Variants in FOXP1 observed in about 807,000 individuals in gnomAD.
FOXP1 encodes forkhead box P1.
Under a neutral mutation model 98.2 loss-of-function variants are expected in FOXP1, and 15 were observed. That is an observed-to-expected ratio of 0.15 (90% CI 0.10 to 0.24). FOXP1 has a LOEUF of 0.24. FOXP1 is among the 10% of genes least tolerant of loss of function. The pLI, the probability that FOXP1 is intolerant of heterozygous loss-of-function variation, is 1.00. For missense variants in FOXP1, 633 were observed against 848.5 expected (o/e 0.75, Z 3.15); for synonymous variants, 371 against 314.5 (o/e 1.18, Z -1.90).
chr3:71,342,844 G>T (rs1016736229), intron 4 of FOXP1, among the ~76,000 whole-genome samples: 1 of 152,160 alleles, frequency 6.6e-6, no homozygotes, highest in Non-Finnish European at 1.5e-5. Flanking sequence ...ATCTTGTACA[G>T]CTGTATACAG....
intron 2 of FOXP1, among the ~76,000 whole-genome samples, chr3:71,524,700 T>C (rs2043238989): frequency 6.6e-6 from 1 of 152,210 alleles, no homozygotes; most frequent in Non-Finnish European, 1.5e-5. Context: ...TTCAAATTGT[T>C]CATGTTCCGC....
At chr3:71,460,571 G>A (rs1346178753) in intron 3 of FOXP1, among the ~76,000 whole-genome samples, 1 of 151,988 alleles carries the variant, frequency 6.6e-6, no homozygotes, top group African/African-American at 2.4e-5. Flanking sequence ...CAAGTAGCTG[G>A]GACTACAGGT....
intron 7 of FOXP1, among the ~76,000 whole-genome samples, chr3:71,101,719 A>T (rs1027931568): frequency 7.2e-5 from 11 of 151,812 alleles, no homozygotes; most frequent in Non-Finnish European, 8.8e-5. Context: ...CAGCAGGCAC[A>T]ATATTCTGAG....
chr3:71,534,036 G>A (rs1560618673), intron 2 of FOXP1, among the ~76,000 whole-genome samples: 2 of 152,150 alleles, frequency 1.3e-5, no homozygotes, highest in East Asian at 1.9e-4. Flanking sequence ...ACCAAAATCC[G>A]TGCATACTCA....
intron 4 of FOXP1, among the ~76,000 whole-genome samples, chr3:71,323,245 A>C (rs2075499663): frequency 6.6e-6 from 1 of 152,248 alleles, no homozygotes; most frequent in Admixed American, 6.5e-5. Flanking sequence ...TTAAACTCCC[A>C]AAATGACCAA....
At chr3:71,525,071 A>T (rs1438818121) in intron 2 of FOXP1, among the ~76,000 whole-genome samples, 2 of 151,934 alleles carry the variant, frequency 1.3e-5, no homozygotes, top group Non-Finnish European at 2.9e-5. Context: ...TCCATAAAAA[A>T]CTCTTGGTAT....
intron 4 of FOXP1, among the ~76,000 whole-genome samples, chr3:71,355,575 T>C (rs1417026641): frequency 6.6e-6 from 1 of 151,992 alleles, no homozygotes; most frequent in Non-Finnish European, 1.5e-5. Flanking sequence ...AGAAGAGTAA[T>C]GGGGTTTAAA....
At position 71,011,208 on chromosome 3, in the gene FOXP1, T is replaced by C. The variant is rs756813477; in HGVS notation, c.974+4341A>G. 3.3e-4 allele frequency among the ~76,000 whole-genome samples: 50 copies of C among 152,140 alleles called. 1 individual carries two copies. Among genetic ancestry groups the C allele is most frequent in the Non-Finnish European group, 1.3e-4 (9 of 68,014 alleles). ...TGCTCTCCTTTGCTACTTTACAATA[T>C]TCATTTTTACATTCTTGAAGCAACT... On this transcript the variant is annotated intron_variant, in intron 12 of 20. Transcript: ENST00000649528.
intron 4 of FOXP1, among the ~76,000 whole-genome samples, chr3:71,341,846 G>C (rs2077028477): frequency 6.6e-6 from 1 of 152,216 alleles, no homozygotes; most frequent in African/African-American, 2.4e-5. Flanking sequence ...TTTTCACTCA[G>C]TAAAGACAAA....
At chr3:71,164,025 G>A (rs1282762311) in intron 6 of FOXP1, among the ~76,000 whole-genome samples, 1 of 152,080 alleles carries the variant, frequency 6.6e-6, no homozygotes, top group Admixed American at 6.6e-5. Flanking sequence ...GTAAAATTCT[G>A]CACAGACGAA....
intron 12 of FOXP1, among the ~76,000 whole-genome samples, chr3:71,007,897 T>C (rs181420505): frequency 9.3e-4 from 141 of 152,318 alleles, no homozygotes; most frequent in African/African-American, 3.3e-3. Flanking sequence ...TTCTTCAACA[T>C]TTCTCTGTCT....
chr3:71,411,720 T>C (rs2082764614), intron 3 of FOXP1, among the ~76,000 whole-genome samples: 1 of 152,206 alleles, frequency 6.6e-6, no homozygotes, highest in African/African-American at 2.4e-5. Context: ...TCTCAGTTAG[T>C]CTGCTCCAGT....
chr3:71,090,282 A>T (rs2055655583), intron 7 of FOXP1, among the ~76,000 whole-genome samples: 1 of 152,180 alleles, frequency 6.6e-6, no homozygotes, highest in Non-Finnish European at 1.5e-5. Context: ...ATGTTTTTCA[A>T]CTAAACAGTA....
intron 4 of FOXP1, among the ~76,000 whole-genome samples, chr3:71,345,193 TA>T (rs1219636699): frequency 6.6e-6 from 1 of 152,026 alleles, no homozygotes; most frequent in Non-Finnish European, 1.5e-5. Context: ...ATCGAGATCA[TA>T]CTGGCCAACA....
At chr3:71,281,252 A>T (rs1054888719) in intron 5 of FOXP1, among the ~76,000 whole-genome samples, 1 of 150,242 alleles carries the variant, frequency 6.7e-6, no homozygotes, top group Non-Finnish European at 1.5e-5. Context: ...AAAAAAAAAA[A>T]GAAAAAGAAA....
intron 6 of FOXP1, among the ~76,000 whole-genome samples, chr3:71,197,110 T>G (rs1295720194): frequency 6.6e-6 from 1 of 152,182 alleles, no homozygotes; most frequent in Non-Finnish European, 1.5e-5. Context: ...CAAACAAGCT[T>G]AGCTTCTCTG....
chr3:70,981,152 T>C (rs1365494811), intron 14 of FOXP1, among the ~76,000 whole-genome samples: 1 of 127,914 alleles, frequency 7.8e-6, no homozygotes, highest in Non-Finnish European at 1.5e-5. Flanking sequence ...GTGAGCCTTG[T>C]AGCTATTACC....
intron 3 of FOXP1, among the ~76,000 whole-genome samples, chr3:71,384,201 G>A (rs1481909643): frequency 6.6e-6 from 1 of 152,106 alleles, no homozygotes; most frequent in East Asian, 1.9e-4. Context: ...GCAACAGAGT[G>A]GGACTCCGTC....
chr3:71,426,864 C>T (rs1422242348), intron 3 of FOXP1, among the ~76,000 whole-genome samples: 2 of 152,030 alleles, frequency 1.3e-5, no homozygotes, highest in Non-Finnish European at 2.9e-5. Flanking sequence ...AGTTCGAGAC[C>T]AGCCTGACCA....
Sources: gnomAD v4.1 joint callset for allele counts (sites outside exome capture counted in the v4.1 genomes callset) on GRCh38, gnomAD v4.1.1 for gene constraint, MANE v1.5 for transcripts, NCBI Gene and HGNC (gene_info 2026-07-23, HGNC 2026-07-21) for gene names.